ZZEF1: variants seen among roughly 807,000 people sequenced by gnomAD.
ZZEF1 encodes zinc finger ZZ-type and EF-hand domain containing 1.
ZZEF1 carries 157 observed loss-of-function variants against 342.8 expected under a neutral mutation model. The ratio of observed to expected loss-of-function variants is 0.46; its 90% CI spans 0.40 to 0.52. ZZEF1 has a LOEUF of 0.52. Among genes scored for constraint, ZZEF1 ranks in the 20% least tolerant of loss-of-function variants. The pLI is 0.00. For synonymous variants in ZZEF1, 1,505 were observed against 1,429.1 expected (o/e 1.05, Z -1.20); for missense variants, 3,480 against 3,725.6 (o/e 0.93, Z 1.72).
chr17:4,081,300 G>A lies in ZZEF1; in HGVS notation c.2829+76C>T, dbSNP rs537205455. 4.2e-6 allele frequency: 5 copies of A among 1,192,508 alleles called. No individual in the cohort carries two copies. In the Admixed American group the frequency reaches 5.6e-5, roughly 13 times the overall value. The allele number at this position is 1,192,508 out of a possible 1,614,324, so 73.9% of individuals were successfully genotyped here. A position where few individuals can be genotyped will look rare whatever the true frequency, so the allele number is the denominator to read the frequency against. The stretch of plus-strand genomic sequence containing the variant: ...CATTCATACTGCAAAGAGGCAAAGG[G>A]GGGCACAAGAGACTGCCACATCACG... On this transcript the variant is annotated intron_variant, in intron 18 of 54. Transcript: ENST00000381638.
intron 6 of ZZEF1, among the ~76,000 whole-genome samples, chr17:4,108,974 T>C (rs1314542774): frequency 6.6e-6 from 1 of 152,226 alleles, no homozygotes; most frequent in African/African-American, 2.4e-5. Context: ...CTATTATCAG[T>C]TACTGAATCT....
intron 1 of ZZEF1, among the ~76,000 whole-genome samples, chr17:4,128,054 A>G (rs940593684): frequency 6.6e-6 from 1 of 152,144 alleles, no homozygotes; most frequent in African/African-American, 2.4e-5. Flanking sequence ...CAGAAAAAGC[A>G]ACTAGGAGAG....
intron 6 of ZZEF1, 54 bp downstream of exon 6, chr17:4,109,599 G>T: frequency 6.4e-7 from 1 of 1,568,610 alleles, no homozygotes; most frequent in Non-Finnish European, 8.8e-7. Flanking sequence ...CCTAAAGGAT[G>T]ATGGGAGAAT....
At chr17:4,026,641 C>A (rs2056412282) in intron 42 of ZZEF1, among the ~76,000 whole-genome samples, 1 of 151,682 alleles carries the variant, frequency 6.6e-6, no homozygotes, top group Admixed American at 6.6e-5. Context: ...CCTGCCTTGG[C>A]CTCCCAACTA....
chr17:4,008,800 T>A lies in ZZEF1; in HGVS notation c.8805+83A>T. 6.6e-7 allele frequency: 1 copy of A among 1,517,046 alleles called. No homozygotes were observed. Among genetic ancestry groups the A allele is most frequent in the Non-Finnish European group, 8.8e-7 (1 of 1,131,774 alleles). 94.0% of individuals were successfully genotyped at this position (1,517,046 alleles called of 1,614,324 possible). A position where few individuals can be genotyped will look rare whatever the true frequency, so the allele number is the denominator to read the frequency against. ...TGGATTCTGTCCTACTCAGACGCAA[T>A]GTACAGACCTTCTCTGCCCTGGCAA... is the stretch of plus-strand genomic sequence containing the variant. On this transcript the variant is annotated intron_variant, in intron 54 of 54. Transcript: ENST00000381638. This position sits in a 1 kb window ranked among gnomAD's most constrained non-coding sequence, Gnocchi z 4.2.
chr17:4,055,710 T>C lies in ZZEF1; in HGVS notation c.5295+506A>G, dbSNP rs1401050709. ...CTTTAAGAGCCAATTTTTCAATGAG[T>C]CTAGTTCTACGGCAGGGAGCCACTC... On this transcript the variant is annotated intron_variant, in intron 33 of 54. Transcript: ENST00000381638. 8.5e-5 allele frequency among the ~76,000 whole-genome samples: 13 copies of C among 152,146 alleles called. No homozygotes were observed. The East Asian group carries it at 2.5e-3, about 29-fold the overall frequency.
intron 2 of ZZEF1, among the ~76,000 whole-genome samples, chr17:4,122,346 C>A (rs948899676): frequency 2.6e-5 from 4 of 151,438 alleles, no homozygotes; most frequent in Admixed American, 6.6e-5. Context: ...TGAGCTCCCC[C>A]CCAAAAAAAT....
chr17:4,006,437 G>A lies in ZZEF1; in HGVS notation c.*453C>T, dbSNP rs1286167728. The A allele has an allele frequency of 4.1e-6, 1 of 244,248 alleles. No individual in the cohort carries two copies. The highest frequency in any genetic ancestry group is 1.4e-4 in the East Asian group (1 of 7,310). 15.1% of individuals were successfully genotyped at this position (244,248 alleles called of 1,614,324 possible). The stretch of plus-strand genomic sequence containing the variant: ...TTGGTTTGGTGTGAAAAGCAAAGAG[G>A]TGCTCCCAGGCTGGGCAGCCACTGG... On this transcript the variant is annotated 3_prime_UTR_variant, in exon 55 of 55. Transcript: ENST00000381638.
Position 4,004,882 on chromosome 17 carries a change from T to C in ZZEF1, c.*2008A>G, listed in dbSNP as rs2055770479. The C allele has an allele frequency of 6.6e-6, 1 of 152,214 alleles. No individual in the cohort carries two copies. The highest frequency in any genetic ancestry group is 1.5e-5 in the Non-Finnish European group (1 of 68,068). The allele number at this position is 152,214 out of a possible 1,614,324, so 9.4% of individuals were successfully genotyped here. A position where few individuals can be genotyped will look rare whatever the true frequency, so the allele number is the denominator to read the frequency against. Reference sequence around the variant, plus strand: ...CGAGCGGACTCAGGCTTGTTTCCCGTGAACTGCAGCGAAGATCCCAGAACA... The same window carrying C: ...CGAGCGGACTCAGGCTTGTTTCCCGCGAACTGCAGCGAAGATCCCAGAACA... On this transcript the variant is annotated 3_prime_UTR_variant, in exon 55 of 55. Transcript: ENST00000381638.
In ZZEF1 at chr17:4,032,158, A is replaced by G; in HGVS notation, c.6860T>C (p.Ile2287Thr). Residue 2287 changes from isoleucine (I) to threonine (T), a missense_variant, in exon 42 of 55, where the codon ATT becomes ACT. This residue lies in a region of ZZEF1 where 1,269 missense variants were observed against 1,342.4 expected (regional missense o/e 0.95). Coordinates refer to ENST00000381638, the MANE Select transcript of ZZEF1 (RefSeq NM_015113.4). Reference protein sequence around the residue: ...KHFTEKNRAVIVDVKTRKRKT... With the variant: ...KHFTEKNRAVTVDVKTRKRKT... ...CCTCTTCCGAGTTTTGACATCAACAATCACAGCCCTGTTCTTCTCAGTAAA... is the reference window on the plus strand; with the variant it reads ...CCTCTTCCGAGTTTTGACATCAACAGTCACAGCCCTGTTCTTCTCAGTAAA... The G allele has an allele frequency of 1.9e-6, 3 of 1,611,648 alleles. No individual in the cohort carries two copies. Among genetic ancestry groups the G allele is most frequent in the African/African-American group, 1.3e-5 (1 of 74,848 alleles).
At chr17:4,013,355 TTCA>T in intron 52 of ZZEF1, 91 bp downstream of exon 52, 3 of 1,251,162 alleles carry the variant, frequency 2.4e-6, no homozygotes, top group Non-Finnish European at 3.1e-6. Flanking sequence ...CAAATGTCTT[TTCA>T]TCAAAGTCAC....
chr17:4,085,587 G>A (rs887671166), intron 16 of ZZEF1, 83 bp downstream of exon 16: 56 of 1,547,694 alleles, frequency 3.6e-5, no homozygotes, highest in East Asian at 4.5e-5. Context: ...TGCAACAGAC[G>A]ATATATTCAG....
At chr17:4,125,036 A>C (rs1261495065) in intron 1 of ZZEF1, among the ~76,000 whole-genome samples, 2 of 152,190 alleles carry the variant, frequency 1.3e-5, no homozygotes, top group Admixed American at 1.3e-4. Context: ...ATTAAGTAAC[A>C]TTTGAACAGA....
chr17:4,027,324 C>T (rs192219753), intron 42 of ZZEF1, among the ~76,000 whole-genome samples: 239 of 110,348 alleles, frequency 2.2e-3, no homozygotes, highest in African/African-American at 9.8e-3. Flanking sequence ...AGAGAAGTCT[C>T]GCTCTTGTTC....
intron 44 of ZZEF1, 96 bp downstream of exon 44, chr17:4,022,613 C>T (rs1167112195): frequency 1.3e-6 from 2 of 1,577,650 alleles, no homozygotes; most frequent in East Asian, 2.2e-5. Flanking sequence ...GGAGTGTGCA[C>T]AGGGCAGAAG....
chr17:4,090,671 A>G, intron 12 of ZZEF1, 48 bp downstream of exon 12: 1 of 1,487,602 alleles, frequency 6.7e-7, no homozygotes, highest in Non-Finnish European at 9.4e-7. Context: ...TACTCAAAAA[A>G]CACAGAATAA....
At position 4,096,605 on chromosome 17, in the gene ZZEF1, T is replaced by C; in HGVS notation, c.1764+4A>G. ...TTGCTTAAAGAAGGTAGCACGAAAA[T>C]TACCATAATTCTTATCTGTGTAACT... On this transcript the variant is annotated splice_donor_region_variant and intron_variant, in intron 10 of 54. Coordinates refer to ENST00000381638, the MANE Select transcript of ZZEF1 (RefSeq NM_015113.4). The C allele has an allele frequency of 1.2e-6, 2 of 1,612,602 alleles. No homozygotes were observed. Among genetic ancestry groups the C allele is most frequent in the East Asian group, 2.2e-5 (1 of 44,840 alleles).
In ZZEF1 at chr17:4,034,062, C is replaced by G. The variant is rs1567779452; in HGVS notation, c.6537G>C (p.Trp2179Cys). The G allele has an allele frequency of 1.2e-6, 2 of 1,614,178 alleles. No homozygotes were observed. Among genetic ancestry groups the G allele is most frequent in the Non-Finnish European group, 1.7e-6 (2 of 1,180,030 alleles). The change falls in exon 40 of 55, where the codon TGG (tryptophan) becomes TGC (cysteine). Residue 2179 changes from tryptophan to cysteine, a missense_variant. Trp to Cys is a radical substitution (Grantham distance 215). This residue lies in a region of ZZEF1 where 1,269 missense variants were observed against 1,342.4 expected (regional missense o/e 0.95). Coordinates refer to ENST00000381638, the MANE Select transcript of ZZEF1 (RefSeq NM_015113.4). ...GGCTAAAGAGCAGGTGGGTGGTTTTCCAGCCATCTGGCACAATGGAACTGT... is the reference window on the plus strand; with the variant it reads ...GGCTAAAGAGCAGGTGGGTGGTTTTGCAGCCATCTGGCACAATGGAACTGT... ...AGDSSIVPDGWKTTHLLFSLG... is the reference protein window; with the variant it reads ...AGDSSIVPDGCKTTHLLFSLG...
chr17:4,109,637 A>G lies in ZZEF1; in HGVS notation c.1277+16T>C, dbSNP rs756369277. 5.6e-6 allele frequency: 9 copies of G among 1,613,592 alleles called. No individual in the cohort carries two copies. In the Admixed American group the frequency reaches 1.5e-4, roughly 27 times the overall value. ...GGGCATGTTGAGGGGGCTGGAACAT[A>G]GAGAGAATGACTTACTGAGTATTGT... On this transcript the variant is annotated intron_variant, in intron 6 of 54. Transcript: ENST00000381638.
Sources: allele counts gnomAD v4.1 joint callset (sites outside exome capture counted in the v4.1 genomes callset), GRCh38; gene constraint gnomAD v4.1.1; regional missense constraint gnomAD v4.1.1; non-coding constraint Gnocchi (gnomAD v3.1); transcripts MANE v1.5; gene names NCBI Gene and HGNC (gene_info 2026-07-23, HGNC 2026-07-21).